The following HK1 variants were observed in gnomAD, a reference collection of about 807,000 sequenced individuals.
HK1 encodes hexokinase 1.
Under a neutral mutation model 91.6 loss-of-function variants are expected in HK1, and 28 were observed. The ratio of observed to expected loss-of-function variants is 0.31; its 90% confidence interval spans 0.23 to 0.42. The LOEUF (loss-of-function observed/expected upper bound fraction) is 0.42. Ranked by LOEUF, HK1 falls within the 10% of genes least tolerant of loss-of-function variation. HK1 has a pLI of 1.00. For missense variants in HK1, 770 were observed against 1,219.8 expected (o/e 0.63, Z 5.49); for synonymous variants, 430 against 468.1 (o/e 0.92, Z 1.05).
At chr10:69,344,446 A>G (rs898718315) in intron 2 of HK1, among the ~76,000 whole-genome samples, 1 of 152,248 alleles carries the variant, frequency 6.6e-6, no homozygotes. Context: ...CCCAGATAAT[A>G]GCAATCCTAA....
At chr10:69,373,589 G>T (rs1313016834) in intron 7 of HK1, among the ~76,000 whole-genome samples, 2 of 141,870 alleles carry the variant, frequency 1.4e-5, no homozygotes, top group Non-Finnish European at 3.1e-5. Flanking sequence ...TTTCCTTGAG[G>T]TTTTTTTTTT....
At chr10:69,281,164 G>C (rs1196362610) in intron 1 of HK1, among the ~76,000 whole-genome samples, 2 of 152,146 alleles carry the variant, frequency 1.3e-5, no homozygotes, top group Non-Finnish European at 2.9e-5. Flanking sequence ...ACTTTAGCAG[G>C]TCACAGAATC....
At chr10:69,288,052 G>A (rs1373118812) in intron 2 of HK1, among the ~76,000 whole-genome samples, 1 of 152,120 alleles carries the variant, frequency 6.6e-6, no homozygotes, top group Non-Finnish European at 1.5e-5. Flanking sequence ...GCAGGCTGAG[G>A]CAGGAGGATT....
intron 5 of HK1, among the ~76,000 whole-genome samples, chr10:69,309,326 C>A (rs1235459278): frequency 6.6e-6 from 1 of 150,378 alleles, no homozygotes; most frequent in Non-Finnish European, 1.5e-5. Flanking sequence ...GAACTACAGG[C>A]ACCCGCCACC....
chr10:69,276,122 C>CATAT (rs1491489087), intron 1 of HK1, among the ~76,000 whole-genome samples: 3,093 of 49,030 alleles, frequency 0.063, 546 homozygotes, highest in African/African-American at 0.2. Flanking sequence ...AAAAAAAATA[C>CATAT]ATATATATAT....
intron 5 of HK1, among the ~76,000 whole-genome samples, chr10:69,303,371 A>G (rs1346140963): frequency 6.6e-6 from 1 of 152,166 alleles, no homozygotes; most frequent in Non-Finnish European, 1.5e-5. Flanking sequence ...CACTTTGCCC[A>G]CTGCCTAGAC....
At chr10:69,322,803 T>A (rs1847116025) in intron 1 of HK1, among the ~76,000 whole-genome samples, 1 of 150,170 alleles carries the variant, frequency 6.7e-6, no homozygotes, top group Non-Finnish European at 1.5e-5. Context: ...GGCCGGAGAA[T>A]CACTTGAACC....
rs77615082 is a variant in HK1, at chr10:69,374,964, A to G, written c.876-1970A>G. ...TGCTAGCATGATAGTGACAGCTAAC[A>G]TTGAGTGACACGGTCCATGAGACAG... On this transcript the variant is annotated intron_variant, in intron 7 of 17. Coordinates refer to ENST00000359426, the MANE Select transcript of HK1 (RefSeq NM_000188.3). Among the ~76,000 whole-genome samples the G allele has an allele frequency of 5.3e-4, 80 of 152,340 alleles. 2 individuals are homozygous for G. The East Asian group carries it at 0.015, about 29-fold the overall frequency.
At position 69,285,590 on chromosome 10, in the gene HK1, G is replaced by A. The variant is rs149626383; in HGVS notation, c.-215+2886G>A. ...AACAAAGCATCAAATTTGAAGCTGT[G>A]TTATGATGGTGCCTGTGCCAGATTT... is the stretch of plus-strand genomic sequence containing the variant. On this transcript the variant is annotated intron_variant, in intron 2 of 21. Coordinates refer to the HK1 transcript ENST00000360289. Among the ~76,000 whole-genome samples, 529 of 152,300 alleles carry A rather than the reference G, an allele frequency of 3.5e-3. 3 individuals are homozygous for A. The highest frequency in any genetic ancestry group is 0.012 in the African/African-American group (508 of 41,570).
chr10:69,296,674 G>A (rs1845579075), intron 4 of HK1, among the ~76,000 whole-genome samples: 1 of 152,156 alleles, frequency 6.6e-6, no homozygotes, highest in African/African-American at 2.4e-5. Context: ...GCATGTGTCA[G>A]GCGAGGAAGG....
intron 1 of HK1, among the ~76,000 whole-genome samples, chr10:69,322,398 T>G (rs1205997479): frequency 6.6e-6 from 1 of 152,192 alleles, no homozygotes; most frequent in Non-Finnish European, 1.5e-5. Flanking sequence ...GGAACCCCAT[T>G]ATCCAGACGG....
intron 1 of HK1, among the ~76,000 whole-genome samples, chr10:69,340,496 C>T (rs150199212): frequency 3.5e-4 from 54 of 152,308 alleles, no homozygotes; most frequent in African/African-American, 1.0e-3. Flanking sequence ...GTAATCCACT[C>T]GCCTCGGCCT....
intron 17 of HK1, among the ~76,000 whole-genome samples, chr10:69,399,913 C>T (rs1037722861): frequency 2.0e-5 from 3 of 152,144 alleles, no homozygotes; most frequent in African/African-American, 7.2e-5. Context: ...TACCTGCTTA[C>T]CTCATGGCCG....
At chr10:69,365,008 A>T in intron 4 of HK1, 106 bp downstream of exon 4, 1 of 1,254,790 alleles carries the variant, frequency 8.0e-7, no homozygotes, top group Non-Finnish European at 1.2e-6. Flanking sequence ...AATGGTTTGC[A>T]TGTCTGGTAT....
intron 14 of HK1, 96 bp from the exon 15 acceptor site, chr10:69,392,029 C>A (rs1839917067): frequency 8.2e-7 from 1 of 1,213,950 alleles, no homozygotes; most frequent in Non-Finnish European, 1.2e-6. Flanking sequence ...AAACGTGCCC[C>A]CTGCCTGTGG....
At chr10:69,374,353 G>C (rs565969784) in intron 7 of HK1, among the ~76,000 whole-genome samples, 2 of 152,208 alleles carry the variant, frequency 1.3e-5, no homozygotes, top group Non-Finnish European at 2.9e-5. Flanking sequence ...CCACCAGCAG[G>C]CAGATTGGTT....
intron 12 of HK1, 52 bp from the exon 13 acceptor site, chr10:69,386,271 T>C (rs1056619724): frequency 6.2e-6 from 9 of 1,458,298 alleles, no homozygotes; most frequent in Non-Finnish European, 8.7e-6. Context: ...TTTTGTGTTC[T>C]CCCCTTCCAG....
chr10:69,350,312 A>C (rs763029806), intron 2 of HK1, among the ~76,000 whole-genome samples: 2 of 152,172 alleles, frequency 1.3e-5, no homozygotes, highest in African/African-American at 2.4e-5. Context: ...GAGGGTAGTT[A>C]TCTAAAGAGA....
intron 1 of HK1, among the ~76,000 whole-genome samples, chr10:69,274,663 G>A (rs1844345791): frequency 6.6e-6 from 1 of 150,958 alleles, no homozygotes; most frequent in African/African-American, 2.4e-5. Flanking sequence ...CTTTTTTCAA[G>A]CAGCCTTCTC....
Sources: allele counts gnomAD v4.1 joint callset (sites outside exome capture counted in the v4.1 genomes callset), GRCh38; gene constraint gnomAD v4.1.1; transcripts MANE v1.5; gene names NCBI Gene and HGNC (gene_info 2026-07-23, HGNC 2026-07-21).